Variants in SPATS2 observed in about 807,000 individuals in gnomAD.
SPATS2 encodes spermatogenesis-associated serine-rich protein 2.
A neutral mutation model predicts 63.7 loss-of-function variants in SPATS2; 38 were observed. The observed-to-expected ratio is 0.60, with a 90% CI of 0.46 to 0.78. The LOEUF (loss-of-function observed/expected upper bound fraction) is 0.78. SPATS2 is among the 30% of genes least tolerant of loss of function. SPATS2 has a pLI of 0.00. For synonymous variants in SPATS2, 207 were observed against 232.9 expected (o/e 0.89, Z 1.01); for missense variants, 588 against 666.2 (o/e 0.88, Z 1.29).
At chr12:49,436,806 G>A (rs1339499338) in intron 2 of SPATS2, among the ~76,000 whole-genome samples, 13 of 141,020 alleles carry the variant, frequency 9.2e-5, no homozygotes, top group Admixed American at 8.3e-4. Context: ...CAGTAGGGGC[G>A]GCCGGGCAGA....
intron 10 of SPATS2, among the ~76,000 whole-genome samples, chr12:49,518,340 G>T (rs1946884395): frequency 6.6e-6 from 1 of 152,072 alleles, no homozygotes; most frequent in South Asian, 2.1e-4. Flanking sequence ...GATTTTTATT[G>T]TATGTTCTCT....
intron 3 of SPATS2, among the ~76,000 whole-genome samples, chr12:49,483,252 A>G (rs996630871): frequency 4.0e-5 from 6 of 151,292 alleles, no homozygotes; most frequent in Non-Finnish European, 7.4e-5. Flanking sequence ...TAATAAGTGG[A>G]TTATTGATGT....
At chr12:49,466,518 T>C (rs1945919059) in intron 3 of SPATS2, among the ~76,000 whole-genome samples, 1 of 152,182 alleles carries the variant, frequency 6.6e-6, no homozygotes, top group Non-Finnish European at 1.5e-5. Flanking sequence ...TTTTTGCATA[T>C]GGATATCCAG....
intron 2 of SPATS2, among the ~76,000 whole-genome samples, chr12:49,418,113 T>TTTTG (rs1401266729): frequency 1.4e-5 from 2 of 138,766 alleles, no homozygotes; most frequent in African/African-American, 2.8e-5. Context: ...ACTCAGTTTT[T>TTTTG]TTTTTTTTTT....
At chr12:49,506,717 C>T (rs150099603) in intron 9 of SPATS2, among the ~76,000 whole-genome samples, 28 of 152,164 alleles carry the variant, frequency 1.8e-4, no homozygotes, top group Middle Eastern at 3.4e-3. Flanking sequence ...CGCAATGACA[C>T]GTGCCCATAG....
intron 10 of SPATS2, among the ~76,000 whole-genome samples, chr12:49,517,553 T>G (rs1946871111): frequency 6.6e-6 from 1 of 152,116 alleles, no homozygotes. Flanking sequence ...AAATGAAAAG[T>G]ACAGAGGTAA....
At chr12:49,436,060 C>A (rs1461489516) in intron 2 of SPATS2, among the ~76,000 whole-genome samples, 6 of 151,798 alleles carry the variant, frequency 4.0e-5, no homozygotes, top group East Asian at 1.9e-4. Flanking sequence ...ACAGACATGG[C>A]AACCATCCGA....
intron 3 of SPATS2, among the ~76,000 whole-genome samples, chr12:49,468,463 T>G (rs899763819): frequency 5.5e-5 from 8 of 146,608 alleles, no homozygotes; most frequent in South Asian, 2.2e-4. Context: ...CCCGGCCTTT[T>G]TTTTTGTTTT....
At chr12:49,521,115 A>G (rs1205539117) in intron 11 of SPATS2, among the ~76,000 whole-genome samples, 1 of 152,208 alleles carries the variant, frequency 6.6e-6, no homozygotes, top group East Asian at 1.9e-4. Context: ...GGCATTCTAA[A>G]TAATTGCTTA....
At chr12:49,446,050 C>T (rs928087841) in intron 2 of SPATS2, among the ~76,000 whole-genome samples, 4 of 151,928 alleles carry the variant, frequency 2.6e-5, no homozygotes, top group Non-Finnish European at 5.9e-5. Context: ...ACTACAGGCA[C>T]GCGCCACCAC....
chr12:49,425,570 T>C (rs1223669469), intron 2 of SPATS2, among the ~76,000 whole-genome samples: 4 of 152,186 alleles, frequency 2.6e-5, no homozygotes, highest in African/African-American at 9.7e-5. Flanking sequence ...TCCATCTACC[T>C]TGGCCTCCCA....
intron 8 of SPATS2, among the ~76,000 whole-genome samples, chr12:49,499,075 C>T (rs564259853): frequency 6.6e-6 from 1 of 152,274 alleles, no homozygotes; most frequent in African/African-American, 2.4e-5. Flanking sequence ...CGTGAGCCAC[C>T]ACACCTGGCC....
chr12:49,439,537 TC>T (rs1189675098), intron 2 of SPATS2, among the ~76,000 whole-genome samples: 1 of 152,148 alleles, frequency 6.6e-6, no homozygotes, highest in Non-Finnish European at 1.5e-5. Flanking sequence ...AACTTGCTGA[TC>T]GTTTGGTTGT....
At chr12:49,441,483 G>C (rs1945418269) in intron 2 of SPATS2, among the ~76,000 whole-genome samples, 1 of 152,122 alleles carries the variant, frequency 6.6e-6, no homozygotes, top group Non-Finnish European at 1.5e-5. Context: ...CTTTTAGAAA[G>C]AGAAGTAGAT....
At chr12:49,486,227 T>C (rs2137847837) in intron 4 of SPATS2, 1 of 453,170 alleles carries the variant, frequency 2.2e-6, no homozygotes, top group South Asian at 1.6e-5. Flanking sequence ...TGTTGTGAGA[T>C]GGAATTTCAC....
intron 9 of SPATS2, among the ~76,000 whole-genome samples, chr12:49,505,226 TAAAGG>T (rs1299247346): frequency 6.6e-6 from 1 of 152,176 alleles, no homozygotes; most frequent in East Asian, 1.9e-4. Context: ...TGTGTAGAAA[TAAAGG>T]AATGTGCTAA....
chr12:49,408,350 T>G (rs1238312505), intron 2 of SPATS2, among the ~76,000 whole-genome samples: 1 of 151,280 alleles, frequency 6.6e-6, no homozygotes, highest in Non-Finnish European at 1.5e-5. Context: ...TCTCCTGGGC[T>G]CCAGCGATTC....
chr12:49,481,128 A>G (rs1946198254), intron 3 of SPATS2, among the ~76,000 whole-genome samples: 1 of 152,314 alleles, frequency 6.6e-6, no homozygotes, highest in Admixed American at 6.5e-5. Context: ...TTTCTCAAAT[A>G]TACCTGAATG....
chr12:49,494,496 G>A (rs1946433079), intron 6 of SPATS2, among the ~76,000 whole-genome samples: 1 of 151,942 alleles, frequency 6.6e-6, no homozygotes, highest in African/African-American at 2.4e-5. Context: ...TTTGTTGAAG[G>A]TGGGTTTTGT....
Sources: allele counts gnomAD v4.1 joint callset (sites outside exome capture counted in the v4.1 genomes callset), GRCh38; gene constraint gnomAD v4.1.1; transcripts MANE v1.5; gene names NCBI Gene and HGNC (gene_info 2026-07-23, HGNC 2026-07-21).